Variants in DGKB observed in about 807,000 individuals in gnomAD.
The protein encoded by DGKB is diacylglycerol kinase beta.
DGKB carries 67 observed loss-of-function variants against 114.3 expected under a neutral mutation model. The observed-to-expected ratio is 0.59, with a 90% confidence interval of 0.48 to 0.72. The LOEUF is 0.72. Among genes scored for constraint, DGKB ranks in the 30% least tolerant of loss-of-function variants. The pLI is 0.00. For missense variants in DGKB, 907 were observed against 975.2 expected (o/e 0.93, Z 0.93); for synonymous variants, 398 against 323.1 (o/e 1.23, Z -2.49).
chr7:14,266,545 G>T (rs1797544069), intron 23 of DGKB, among the ~76,000 whole-genome samples: 1 of 152,102 alleles, frequency 6.6e-6, no homozygotes, highest in African/African-American at 2.4e-5. Context: ...GGCTAGAGAT[G>T]ATGTCATTTT....
intron 21 of DGKB, among the ~76,000 whole-genome samples, chr7:14,419,240 A>C (rs967389345): frequency 6.6e-6 from 1 of 152,040 alleles, no homozygotes; most frequent in African/African-American, 2.4e-5. Flanking sequence ...GGAGTGAGAA[A>C]GTAATTGAGT....
chr7:14,555,293 T>G (rs1795721207), intron 20 of DGKB, among the ~76,000 whole-genome samples: 1 of 152,202 alleles, frequency 6.6e-6, no homozygotes, highest in East Asian at 1.9e-4. Flanking sequence ...TTGTCTAACT[T>G]TATATTCAAT....
At chr7:14,917,057 A>G (rs1024982532) in intron 1 of DGKB, among the ~76,000 whole-genome samples, 1 of 152,148 alleles carries the variant, frequency 6.6e-6, no homozygotes, top group Non-Finnish European at 1.5e-5. Flanking sequence ...ATGTCTCCAA[A>G]GAAATTTTAA....
At chr7:14,604,723 A>G (rs947014762) in intron 17 of DGKB, among the ~76,000 whole-genome samples, 5 of 152,146 alleles carry the variant, frequency 3.3e-5, no homozygotes, top group Non-Finnish European at 7.4e-5. Context: ...CAGGGGCAAT[A>G]CAGCTAGAAA....
At chr7:14,718,757 A>C in intron 5 of DGKB, 72 bp from the exon 6 acceptor site, 1 of 1,145,108 alleles carries the variant, frequency 8.7e-7, no homozygotes, top group South Asian at 1.5e-5. Flanking sequence ...AATTAAGAAA[A>C]TAGAGAACAC....
intron 2 of DGKB, among the ~76,000 whole-genome samples, chr7:14,805,709 T>A (rs931368038): frequency 6.6e-6 from 1 of 151,862 alleles, no homozygotes; most frequent in Admixed American, 6.6e-5. Flanking sequence ...ATCAACATAG[T>A]AAATGTTTAT....
chr7:14,899,963 T>C (rs1782733195), intron 1 of DGKB, among the ~76,000 whole-genome samples: 1 of 152,142 alleles, frequency 6.6e-6, no homozygotes, highest in South Asian at 2.1e-4. Context: ...AGAAATTTGT[T>C]TATTCCCCCT....
chr7:14,786,411 C>T (rs952518815), intron 2 of DGKB, among the ~76,000 whole-genome samples: 1 of 152,302 alleles, frequency 6.6e-6, no homozygotes, highest in Non-Finnish European at 1.5e-5. Context: ...ACAGACTGAT[C>T]AACTCCTGTA....
intron 20 of DGKB, among the ~76,000 whole-genome samples, chr7:14,488,610 A>C (rs1784153958): frequency 6.6e-6 from 1 of 151,328 alleles, no homozygotes; most frequent in African/African-American, 2.4e-5. Context: ...ACCTGAGGTC[A>C]GGAGTTCGAG....
intron 23 of DGKB, among the ~76,000 whole-genome samples, chr7:14,315,480 A>G (rs1452930646): frequency 1.3e-5 from 2 of 151,758 alleles, no homozygotes; most frequent in Non-Finnish European, 2.9e-5. Flanking sequence ...AGGGGTTGCA[A>G]TCCTAGTCTC....
intron 21 of DGKB, among the ~76,000 whole-genome samples, chr7:14,425,332 A>C (rs550208060): frequency 2.6e-5 from 4 of 152,248 alleles, no homozygotes. Context: ...GGCCATAATA[A>C]AAATTCTCAC....
intron 1 of DGKB, among the ~76,000 whole-genome samples, chr7:14,951,037 C>G (rs995447527): frequency 7.9e-5 from 12 of 151,906 alleles, no homozygotes; most frequent in Non-Finnish European, 1.6e-4. Context: ...AGACAAAATT[C>G]TACTAATCAT....
chr7:14,716,239 G>T (rs1354702167), intron 6 of DGKB, among the ~76,000 whole-genome samples: 1 of 152,124 alleles, frequency 6.6e-6, no homozygotes, highest in African/African-American at 2.4e-5. Context: ...TAGAACAATA[G>T]CATCCGCATC....
intron 2 of DGKB, among the ~76,000 whole-genome samples, chr7:14,793,519 C>T (rs1192690756): frequency 6.6e-6 from 1 of 152,080 alleles, no homozygotes; most frequent in Non-Finnish European, 1.5e-5. Flanking sequence ...TGTTAGAAAT[C>T]AGGGATGACT....
chr7:14,964,357 T>C (rs1437587915), intron 1 of DGKB, among the ~76,000 whole-genome samples: 1 of 151,954 alleles, frequency 6.6e-6, no homozygotes, highest in African/African-American at 2.4e-5. Flanking sequence ...ATATAAAAAT[T>C]AGCTGGGTAG....
At chr7:14,967,304 T>C (rs73060850) in intron 1 of DGKB, among the ~76,000 whole-genome samples, 19,603 of 141,738 alleles carry the variant, frequency 0.14, 1,370 homozygotes, top group Admixed American at 0.2. Flanking sequence ...GTTTCCTGAC[T>C]TGATTTATTT....
intron 1 of DGKB, among the ~76,000 whole-genome samples, chr7:14,963,328 A>G (rs1786968512): frequency 6.6e-6 from 1 of 152,114 alleles, no homozygotes; most frequent in South Asian, 2.1e-4. Flanking sequence ...ATTGTCTAAC[A>G]AAAGATGGGA....
chr7:14,520,109 A>C (rs973794286), intron 20 of DGKB, among the ~76,000 whole-genome samples: 1 of 151,476 alleles, frequency 6.6e-6, no homozygotes, highest in Non-Finnish European at 1.5e-5. Context: ...GTCTAAAGAC[A>C]CCCCGCCTAA....
At chr7:14,453,253 G>A (rs1831794559) in intron 21 of DGKB, among the ~76,000 whole-genome samples, 1 of 152,066 alleles carries the variant, frequency 6.6e-6, no homozygotes, top group Non-Finnish European at 1.5e-5. Flanking sequence ...ATTTGGACAT[G>A]GGTTGTCAGG....
Sources: gnomAD v4.1 joint callset for allele counts (sites outside exome capture counted in the v4.1 genomes callset) on GRCh38, gnomAD v4.1.1 for gene constraint, MANE v1.5 for transcripts, NCBI Gene and HGNC (gene_info 2026-07-23, HGNC 2026-07-21) for gene names.